Variants in FAM186A observed in about 807,000 individuals in gnomAD.
FAM186A encodes the protein family with sequence similarity 186 member A.
FAM186A carries 163 observed loss-of-function variants against 216.8 expected under a neutral mutation model. That is an observed-to-expected ratio of 0.75 (90% CI 0.66 to 0.86). The LOEUF is 0.86. Among genes scored for constraint, FAM186A ranks in the 40% least tolerant of loss-of-function variants. The pLI, the probability that FAM186A is intolerant of heterozygous loss-of-function variation, is 0.00. For synonymous variants in FAM186A, 805 were observed against 1,025.3 expected (o/e 0.79, Z 4.10); for missense variants, 2,184 against 2,746.2 (o/e 0.80, Z 4.58).
intron 4 of FAM186A, among the ~76,000 whole-genome samples, chr12:50,346,237 A>AAAAGAAAG: frequency 9.8e-6 from 1 of 102,182 alleles, no homozygotes; most frequent in Non-Finnish European, 2.0e-5. Context: ...AAGAAAGAAA[A>AAAAGAAAG]AAAGAAAGAA....
chr12:50,362,623 G>A (rs1214523063), intron 2 of FAM186A, among the ~76,000 whole-genome samples: 1 of 151,290 alleles, frequency 6.6e-6, no homozygotes, highest in Non-Finnish European at 1.5e-5. Context: ...GCATGCCTCT[G>A]GTCCCAGCTA....
At chr12:50,366,319 GA>G (rs902682380) in intron 1 of FAM186A, among the ~76,000 whole-genome samples, 1 of 152,090 alleles carries the variant, frequency 6.6e-6, no homozygotes, top group African/African-American at 2.4e-5. Context: ...AGTGAACAAA[GA>G]AAAGATACTA....
intron 6 of FAM186A, among the ~76,000 whole-genome samples, chr12:50,331,400 G>T (rs1033375874): frequency 3.9e-5 from 6 of 151,960 alleles, no homozygotes; most frequent in African/African-American, 1.5e-4. Context: ...CCACTATGCC[G>T]GGCTAATTTT....
intron 1 of FAM186A, among the ~76,000 whole-genome samples, chr12:50,372,118 A>C (rs1454700422): frequency 6.7e-6 from 1 of 150,262 alleles, no homozygotes; most frequent in Non-Finnish European, 1.5e-5. Flanking sequence ...GGCCCAATTA[A>C]TTTTTTTTTT....
intron 1 of FAM186A, among the ~76,000 whole-genome samples, chr12:50,369,890 C>T (rs960809125): frequency 4.6e-5 from 7 of 151,222 alleles, no homozygotes; most frequent in East Asian, 1.9e-4. Context: ...TTTGGGAGGC[C>T]GAGGAGGGTG....
chr12:50,367,385 G>T (rs1943099836), intron 1 of FAM186A, among the ~76,000 whole-genome samples: 1 of 151,844 alleles, frequency 6.6e-6, no homozygotes, highest in South Asian at 2.1e-4. Context: ...GGGCATGGTG[G>T]CAGGTGCCTG....
chr12:50,345,900 G>A (rs1363662110), intron 4 of FAM186A, among the ~76,000 whole-genome samples: 1 of 148,822 alleles, frequency 6.7e-6, no homozygotes, highest in Non-Finnish European at 1.5e-5. Flanking sequence ...GACATTGGTA[G>A]TTTAATAGGA....
At chr12:50,347,894 CTTTT>C (rs1465367529) in intron 4 of FAM186A, among the ~76,000 whole-genome samples, 2 of 152,026 alleles carry the variant, frequency 1.3e-5, no homozygotes, top group Non-Finnish European at 2.9e-5. Context: ...CCCTTTGTTT[CTTTT>C]GTTTTGTTTT....
intron 1 of FAM186A, among the ~76,000 whole-genome samples, chr12:50,380,686 A>G (rs1943246112): frequency 1.3e-5 from 2 of 150,796 alleles, no homozygotes; most frequent in Admixed American, 6.6e-5. Flanking sequence ...ACAGAGTGAG[A>G]CTGTCTAAAA....
intron 1 of FAM186A, among the ~76,000 whole-genome samples, chr12:50,369,298 G>A (rs1943119149): frequency 6.6e-6 from 1 of 151,618 alleles, no homozygotes; most frequent in African/African-American, 2.4e-5. Context: ...GACCATCCTG[G>A]CTAACATGGT....
At position 50,330,319 on chromosome 12, in the gene FAM186A, T is replaced by A. The variant is rs150778685; in HGVS notation, c.7034+254A>T. ...TGGACCTATCTAGTGTTAGATTAGA[T>A]TCATGGTATTATAACTGGTTTTTTG... is the stretch of plus-strand genomic sequence containing the variant. On this transcript the variant is annotated intron_variant, in intron 7 of 7. Transcript: ENST00000327337. Among the ~76,000 whole-genome samples, 1,277 of 152,320 alleles carry A rather than the reference T, an allele frequency of 8.4e-3. 21 individuals carry two copies. Among genetic ancestry groups the A allele is most frequent in the Non-Finnish European group, 8.4e-3 (569 of 68,024 alleles).
intron 4 of FAM186A, among the ~76,000 whole-genome samples, chr12:50,338,745 C>CA (rs1942735223): frequency 1.3e-5 from 2 of 151,900 alleles, no homozygotes; most frequent in South Asian, 4.2e-4. Flanking sequence ...TCACTTCTAC[C>CA]AATTATTAGC....
intron 1 of FAM186A, among the ~76,000 whole-genome samples, chr12:50,389,805 TC>T (rs1332558010): frequency 6.6e-6 from 1 of 152,184 alleles, no homozygotes; most frequent in Non-Finnish European, 1.5e-5. Flanking sequence ...TTCTCCAAAA[TC>T]CATCTGTATT....
chr12:50,338,549 A>G (rs1592599296), intron 4 of FAM186A, among the ~76,000 whole-genome samples: 1 of 152,306 alleles, frequency 6.6e-6, no homozygotes, highest in East Asian at 1.9e-4. Flanking sequence ...TACATGCAAC[A>G]CATTTAAGTC....
At chr12:50,334,902 A>G (rs1412567022) in intron 4 of FAM186A, among the ~76,000 whole-genome samples, 1 of 152,126 alleles carries the variant, frequency 6.6e-6, no homozygotes, top group Admixed American at 6.6e-5. Flanking sequence ...GATTATCAAA[A>G]TTTTCATTAA....
intron 2 of FAM186A, among the ~76,000 whole-genome samples, chr12:50,361,737 A>C (rs754082621): frequency 1.1e-4 from 17 of 149,234 alleles, no homozygotes; most frequent in Non-Finnish European, 1.9e-4. Flanking sequence ...CACCCAGCTA[A>C]TTTTTGAATT....
chr12:50,343,481 T>G (rs1478765384), intron 4 of FAM186A, among the ~76,000 whole-genome samples: 3 of 152,162 alleles, frequency 2.0e-5, no homozygotes, highest in African/African-American at 7.2e-5. Context: ...CAGGCTGGAG[T>G]GCAGTGGTGC....
At chr12:50,329,133 TAAATAA>T (rs1166428228) in intron 7 of FAM186A, among the ~76,000 whole-genome samples, 1 of 151,960 alleles carries the variant, frequency 6.6e-6, no homozygotes, top group African/African-American at 2.4e-5. Flanking sequence ...AATGAATAAA[TAAATAA>T]AAATAAAATA....
intron 1 of FAM186A, among the ~76,000 whole-genome samples, chr12:50,395,535 C>T (rs746270237): frequency 6.6e-6 from 1 of 152,062 alleles, no homozygotes; most frequent in African/African-American, 2.4e-5. Flanking sequence ...GTCTCTAACT[C>T]CTGGCCTCAA....
Sources: allele counts gnomAD v4.1 joint callset (sites outside exome capture counted in the v4.1 genomes callset), GRCh38; gene constraint gnomAD v4.1.1; transcripts MANE v1.5; gene names NCBI Gene and HGNC (gene_info 2026-07-23, HGNC 2026-07-21).